VIT: variants seen among roughly 807,000 people sequenced by gnomAD.
VIT encodes vitrin.
A neutral mutation model predicts 78.0 loss-of-function variants in VIT; 99 were observed. That is an observed-to-expected ratio of 1.27 (90% CI 1.08 to 1.50). The LOEUF (loss-of-function observed/expected upper bound fraction) is 1.50, where lower values mean the gene tolerates loss of function less well. Ranked by LOEUF, VIT falls within the 40% of genes most tolerant of loss-of-function variation. The pLI, the probability that VIT is intolerant of heterozygous loss-of-function variation, is 0.00. For missense variants in VIT, 1,126 were observed against 875.3 expected, an observed-to-expected ratio of 1.29 and a Z score of -3.61; for synonymous variants, 374 against 334.3, an observed-to-expected ratio of 1.12 and a Z score of -1.29.
At chr2:36,729,713 G>A (rs954376801) in intron 3 of VIT, among the ~76,000 whole-genome samples, 6 of 152,164 alleles carry the variant, frequency 3.9e-5, no homozygotes, top group African/African-American at 1.4e-4. Context: ...TAGTTCCCCT[G>A]CACTAGGAAA....
intron 13 of VIT, among the ~76,000 whole-genome samples, chr2:36,804,333 G>T (rs1248588322): frequency 6.6e-6 from 1 of 152,172 alleles, no homozygotes; most frequent in South Asian, 2.1e-4. Context: ...CCCTTGGCCT[G>T]GAACTGGAGG....
chr2:36,787,044 C>G, intron 11 of VIT, 85 bp from the exon 12 acceptor site: 1 of 1,534,444 alleles, frequency 6.5e-7, no homozygotes, highest in Non-Finnish European at 8.9e-7. Context: ...TCAGGGGGCT[C>G]TGATGGAGAA....
At chr2:36,790,766 T>G (rs888084886) in intron 12 of VIT, among the ~76,000 whole-genome samples, 2 of 152,210 alleles carry the variant, frequency 1.3e-5, no homozygotes, top group Non-Finnish European at 2.9e-5. Flanking sequence ...ACTTTTCACC[T>G]CCTGAAGACT....
intron 6 of VIT, among the ~76,000 whole-genome samples, chr2:36,762,446 G>C (rs1046507023): frequency 6.6e-6 from 1 of 152,044 alleles, no homozygotes; most frequent in African/African-American, 2.4e-5. Context: ...TCTCCTACGT[G>C]CAAGACCCTG....
At chr2:36,776,621 T>G (rs1670062277) in intron 9 of VIT, among the ~76,000 whole-genome samples, 1 of 150,908 alleles carries the variant, frequency 6.6e-6, no homozygotes, top group South Asian at 2.1e-4. Context: ...GCCCACATAG[T>G]GAGACCCCGT....
chr2:36,716,716 AG>A (rs1666158267), intron 2 of VIT, among the ~76,000 whole-genome samples: 1 of 152,148 alleles, frequency 6.6e-6, no homozygotes, highest in South Asian at 2.1e-4. Flanking sequence ...TGTATTCCTC[AG>A]CAATTAGCAA....
intron 2 of VIT, among the ~76,000 whole-genome samples, chr2:36,721,777 C>T (rs562052221): frequency 6.6e-6 from 1 of 152,308 alleles, no homozygotes; most frequent in Admixed American, 6.5e-5. Context: ...TGCTCTTCCT[C>T]TCACTTCCTC....
chr2:36,767,846 A>C (rs904893790), intron 7 of VIT, among the ~76,000 whole-genome samples: 6 of 152,078 alleles, frequency 3.9e-5, no homozygotes, highest in Non-Finnish European at 7.4e-5. Flanking sequence ...TCATTTCTGC[A>C]CAGACTTATA....
At chr2:36,715,545 AT>A (rs372450731) in intron 1 of VIT, among the ~76,000 whole-genome samples, 12 of 152,032 alleles carry the variant, frequency 7.9e-5, no homozygotes, top group African/African-American at 2.2e-4. Context: ...AAAAAAAAAA[AT>A]AAAAAAAAAA....
At chr2:36,784,553 C>A (rs1379421505) in intron 11 of VIT, among the ~76,000 whole-genome samples, 2 of 152,220 alleles carry the variant, frequency 1.3e-5, no homozygotes, top group African/African-American at 4.8e-5. Context: ...CTGATATGTA[C>A]ATGACTGTGG....
In VIT at chr2:36,801,339, C is replaced by G. The variant is rs373378679; in HGVS notation, c.1097C>G (p.Thr366Arg). 1.2e-6 allele frequency: 2 copies of G among 1,614,120 alleles called. No individual in the cohort carries two copies. The highest frequency in any genetic ancestry group is 1.1e-5 in the South Asian group (1 of 91,080). Residue 366 changes from threonine to arginine, a missense_variant, in exon 13 of 16, where the codon ACG (threonine) becomes AGG (arginine). Transcript: ENST00000379242. ...ACTCACTTTAACCTCAAGACACACA[C>G]GAATTCTCGAGATCTGAAGACAGCC... ...PATHFNLKTH[T>R]NSRDLKTAIE...
At position 36,787,238 on chromosome 2, in the gene VIT, TG is replaced by T. The variant is rs1665165742; in HGVS notation, c.1022del (p.Gly341AlafsTer6). 6.2e-7 allele frequency: 1 copy of T among 1,614,002 alleles called. No individual in the cohort carries two copies. Among genetic ancestry groups the T allele is most frequent in the African/African-American group, 1.3e-5 (1 of 74,932 alleles). The part of the protein sequence containing the change: ...LADVAQALDI[G>X]PAGPLMGVVQ... ...CTGATGTTGCCCAAGCTCTTGACAT[TG>T]GCCCTGCCGGTCCACTGATGGGTGT... On this transcript the variant is annotated frameshift_variant, in exon 12 of 16. Transcript: ENST00000379242. LOFTEE classifies it high-confidence loss of function.
Position 36,699,038 on chromosome 2 carries a change from T to G in VIT, c.-19+2065T>G, listed in dbSNP as rs575062796. 3.5e-4 allele frequency among the ~76,000 whole-genome samples: 53 copies of G among 151,880 alleles called. No individual in the cohort carries two copies. In the South Asian group the frequency reaches 0.011, roughly 31 times the overall value. ...ATTACTTTAGAAAGCATTTATATAA[T>G]AAAAACTTCATGGCCCCCAACATGT... On this transcript the variant is annotated intron_variant, in intron 1 of 15. Transcript: ENST00000379242.
Position 36,805,259 on chromosome 2 carries a change from G to A in VIT, c.1163-179G>A, listed in dbSNP as rs948736045. Among the ~76,000 whole-genome samples the A allele has an allele frequency of 1.4e-4, 20 of 138,204 alleles. No homozygotes were observed. The Admixed American group carries it at 1.5e-3, about 10-fold the overall frequency. 90.7% of individuals were successfully genotyped at this position (138,204 alleles called of 152,430 possible). ...GTTGAGGCTGTAGTGAGCTGTGATC[G>A]AACCACTTCATTCCAGCCTGGGCAA... On this transcript the variant is annotated intron_variant, in intron 13 of 15. Transcript: ENST00000379242.
At chr2:36,736,035 T>G (rs1397471260) in intron 3 of VIT, among the ~76,000 whole-genome samples, 1 of 152,190 alleles carries the variant, frequency 6.6e-6, no homozygotes, top group Admixed American at 6.5e-5. Context: ...ACTGCAGTAA[T>G]GAGAGTTTTA....
intron 2 of VIT, among the ~76,000 whole-genome samples, chr2:36,718,416 C>A (rs1333309371): frequency 1.3e-5 from 2 of 152,062 alleles, no homozygotes; most frequent in African/African-American, 4.8e-5. Context: ...CATCAACTTG[C>A]CAATTTTGTC....
chr2:36,753,983 T>C (rs1668619826), intron 4 of VIT, among the ~76,000 whole-genome samples: 1 of 152,196 alleles, frequency 6.6e-6, no homozygotes, highest in Non-Finnish European at 1.5e-5. Context: ...ATGGAATGAA[T>C]GGCAATAACA....
intron 9 of VIT, among the ~76,000 whole-genome samples, chr2:36,777,836 C>T (rs56974556): frequency 0.073 from 11,185 of 152,224 alleles, 553 homozygotes; most frequent in East Asian, 0.23. Flanking sequence ...AATGGATAAA[C>T]GTGCCACCTG....
chr2:36,726,356 A>AAC (rs1666844323), intron 2 of VIT, among the ~76,000 whole-genome samples: 3 of 152,256 alleles, frequency 2.0e-5, no homozygotes, highest in Non-Finnish European at 4.4e-5. Context: ...AACATTGTAA[A>AAC]AAACATGAGG....
Sources: allele counts gnomAD v4.1 joint callset (sites outside exome capture counted in the v4.1 genomes callset), GRCh38; gene constraint gnomAD v4.1.1; transcripts MANE v1.5; gene names NCBI Gene and HGNC (gene_info 2026-07-23, HGNC 2026-07-21).